ASIC2: variants seen among roughly 807,000 people sequenced by gnomAD.
ASIC2 encodes acid-sensing ion channel 2.
In ASIC2, 25 loss-of-function variants were observed where a neutral mutation model predicts 57.3. That is an observed-to-expected ratio of 0.44 (90% CI 0.32 to 0.61). The LOEUF (loss-of-function observed/expected upper bound fraction) is 0.61, where lower values mean the gene tolerates loss of function less well. Ranked by LOEUF, ASIC2 falls within the 20% of genes least tolerant of loss-of-function variation. The pLI is 0.06. For missense variants in ASIC2, 641 were observed against 738.1 expected (o/e 0.87, Z 1.52); for synonymous variants, 319 against 307.5 (o/e 1.04, Z -0.39).
chr17:33,710,681 T>C (rs1002973360), intron 1 of ASIC2, among the ~76,000 whole-genome samples: 1 of 152,182 alleles, frequency 6.6e-6, no homozygotes, highest in Non-Finnish European at 1.5e-5. Context: ...TTATATAAAC[T>C]AATCATCTGA....
intron 1 of ASIC2, among the ~76,000 whole-genome samples, chr17:33,427,042 C>T (rs1221182804): frequency 6.6e-6 from 1 of 152,152 alleles, no homozygotes; most frequent in Non-Finnish European, 1.5e-5. Context: ...GTTAAGCCTG[C>T]ATGGCCAGAA....
chr17:33,098,279 G>T (rs2092192185), intron 2 of ASIC2, among the ~76,000 whole-genome samples: 1 of 152,188 alleles, frequency 6.6e-6, no homozygotes, highest in East Asian at 1.9e-4. Flanking sequence ...TTTCTCTAAA[G>T]ACAGCACAAA....
chr17:33,432,456 G>C (rs561866217), intron 1 of ASIC2, among the ~76,000 whole-genome samples: 1 of 152,168 alleles, frequency 6.6e-6, no homozygotes, highest in South Asian at 2.1e-4. Flanking sequence ...TTGAGCCCAG[G>C]AGGTCGAAGC....
intron 1 of ASIC2, among the ~76,000 whole-genome samples, chr17:33,223,532 G>A (rs557901875): frequency 1.3e-5 from 2 of 152,316 alleles, no homozygotes; most frequent in South Asian, 4.1e-4. Context: ...ATTTTTAAAG[G>A]AAAAGTCAAC....
intron 1 of ASIC2, among the ~76,000 whole-genome samples, chr17:33,972,219 T>A (rs1218356792): frequency 2.6e-5 from 4 of 152,254 alleles, no homozygotes; most frequent in African/African-American, 9.6e-5. Flanking sequence ...TGGAGAGTCA[T>A]GCCTTGTCCA....
intron 3 of ASIC2, among the ~76,000 whole-genome samples, chr17:33,053,274 T>C (rs950377016): frequency 6.6e-6 from 1 of 152,234 alleles, no homozygotes; most frequent in Non-Finnish European, 1.5e-5. Flanking sequence ...ATGGCTTCTA[T>C]TAACTACATA....
At chr17:34,064,932 GA>G (rs1466773950) in intron 1 of ASIC2, among the ~76,000 whole-genome samples, 1 of 152,182 alleles carries the variant, frequency 6.6e-6, no homozygotes, top group Non-Finnish European at 1.5e-5. Flanking sequence ...TGGCTAGTGG[GA>G]ATGTAAACTA....
intron 1 of ASIC2, among the ~76,000 whole-genome samples, chr17:33,381,601 T>A (rs1423970342): frequency 2.0e-5 from 3 of 152,188 alleles, no homozygotes; most frequent in Non-Finnish European, 4.4e-5. Context: ...CTTTGTGAGG[T>A]GTGGCTAGTG....
chr17:34,033,742 A>G (rs946029640), intron 1 of ASIC2, among the ~76,000 whole-genome samples: 1 of 152,150 alleles, frequency 6.6e-6, no homozygotes, highest in Non-Finnish European at 1.5e-5. Context: ...ACACCTCTAC[A>G]CAAATAAACT....
intron 2 of ASIC2, among the ~76,000 whole-genome samples, chr17:33,101,660 A>G (rs1001780597): frequency 2.6e-5 from 4 of 152,180 alleles, no homozygotes; most frequent in Non-Finnish European, 5.9e-5. Flanking sequence ...ATGAGGATGT[A>G]GGCTTCTTAG....
At position 33,103,134 on chromosome 17, in the gene ASIC2, T is replaced by A. The variant is rs147439687; in HGVS notation, c.859+8783A>T. 7.1e-4 allele frequency among the ~76,000 whole-genome samples: 108 copies of A among 152,324 alleles called. 5 individuals are homozygous for A. In the East Asian group the frequency reaches 0.02, roughly 29 times the overall value. Reference sequence around the variant, plus strand: ...CTCTGAAATTTCCTTTTTAATAGCATCCTATGCTTGTGGTTATGGAGGCAG... The same window carrying A: ...CTCTGAAATTTCCTTTTTAATAGCAACCTATGCTTGTGGTTATGGAGGCAG... On this transcript the variant is annotated intron_variant, in intron 2 of 9. Coordinates refer to ENST00000225823, the MANE Select transcript of ASIC2 (RefSeq NM_183377.2).
intron 1 of ASIC2, among the ~76,000 whole-genome samples, chr17:33,312,457 C>T (rs754893941): frequency 6.6e-6 from 1 of 152,190 alleles, no homozygotes; most frequent in Non-Finnish European, 1.5e-5. Context: ...TCGTGGAACC[C>T]ACCCTTAGAG....
At chr17:34,055,697 G>A (rs913318375) in intron 1 of ASIC2, among the ~76,000 whole-genome samples, 1 of 152,138 alleles carries the variant, frequency 6.6e-6, no homozygotes, top group Non-Finnish European at 1.5e-5. Context: ...TTTATGTTGT[G>A]TGTGTCAGTA....
At position 33,498,561 on chromosome 17, in the gene ASIC2, C is replaced by T. The variant is rs887122050; in HGVS notation, c.556-386494G>A. Among the ~76,000 whole-genome samples, 4 of 152,242 alleles carry T rather than the reference C, an allele frequency of 2.6e-5. No individual in the cohort carries two copies. The South Asian group carries it at 8.3e-4, about 32-fold the overall frequency. On this transcript the variant is annotated intron_variant, in intron 1 of 9. Transcript: ENST00000359872. The stretch of plus-strand genomic sequence containing the variant: ...AAGCACTTGTGAGGAAAGAAGGCGG[C>T]CTGGGGGAAAGAGTGCAGAGGGCCA...
At chr17:33,177,974 C>A (rs772369257) in intron 1 of ASIC2, among the ~76,000 whole-genome samples, 1 of 152,070 alleles carries the variant, frequency 6.6e-6, no homozygotes, top group African/African-American at 2.4e-5. Context: ...AAAAAAATAA[C>A]CTAGTGTGCG....
chr17:33,161,340 A>G (rs1234515167), intron 1 of ASIC2, among the ~76,000 whole-genome samples: 2 of 152,056 alleles, frequency 1.3e-5, no homozygotes, highest in East Asian at 1.9e-4. Context: ...ATTTGTTCCC[A>G]CTACAGAGCC....
At chr17:33,017,884 G>A (rs745630090) in intron 7 of ASIC2, among the ~76,000 whole-genome samples, 200 bp from the exon 8 acceptor site, 6 of 152,202 alleles carry the variant, frequency 3.9e-5, no homozygotes, top group Non-Finnish European at 8.8e-5. Context: ...GCATTCAGTG[G>A]GGTCGGGGAC....
chr17:33,390,551 T>G lies in ASIC2; in HGVS notation c.556-278484A>C, dbSNP rs527310801. 9.2e-5 allele frequency among the ~76,000 whole-genome samples: 14 copies of G among 152,310 alleles called. No individual in the cohort carries two copies. In the South Asian group the frequency reaches 1.9e-3, roughly 20 times the overall value. On this transcript the variant is annotated intron_variant, in intron 1 of 9. Coordinates refer to the ASIC2 transcript ENST00000359872. ...AATGGCTTAGTTTGGTGCCTCTGCCTCAAGGTCTCTCACAAGGCTGTAGAG... is the reference window on the plus strand; with the variant it reads ...AATGGCTTAGTTTGGTGCCTCTGCCGCAAGGTCTCTCACAAGGCTGTAGAG...
At chr17:33,331,845 A>G (rs1597686427) in intron 1 of ASIC2, among the ~76,000 whole-genome samples, 1 of 152,360 alleles carries the variant, frequency 6.6e-6, no homozygotes, top group East Asian at 1.9e-4. Flanking sequence ...TCATTCTGCT[A>G]GAAGCAATAG....
Sources: allele counts gnomAD v4.1 joint callset (sites outside exome capture counted in the v4.1 genomes callset), GRCh38; gene constraint gnomAD v4.1.1; transcripts MANE v1.5; gene names NCBI Gene and HGNC (gene_info 2026-07-23, HGNC 2026-07-21).